Variants in RBM43 observed in about 807,000 individuals in gnomAD.
RBM43 encodes the protein RNA binding motif protein 43.
In RBM43, 12 loss-of-function variants were observed where a neutral mutation model predicts 12.4. That is an observed-to-expected ratio of 0.97 (90% CI 0.62 to 1.57). The LOEUF is 1.57. RBM43 is among the 40% of genes most tolerant of loss of function. RBM43 has a pLI of 0.00. For synonymous variants in RBM43, 138 were observed against 145.7 expected, an observed-to-expected ratio of 0.95 and a Z score of 0.38; for missense variants, 348 against 400.1, an observed-to-expected ratio of 0.87 and a Z score of 1.11.
At chr2:151,256,407 A>C (rs1388391491) in intron 1 of RBM43, among the ~76,000 whole-genome samples, 1 of 152,242 alleles carries the variant, frequency 6.6e-6, no homozygotes, top group Non-Finnish European at 1.5e-5. Context: ...TAACCACAAA[A>C]TATGGTATTT....
intron 1 of RBM43, among the ~76,000 whole-genome samples, chr2:151,257,924 G>T (rs1325360994): frequency 1.3e-5 from 2 of 151,918 alleles, no homozygotes; most frequent in Admixed American, 6.6e-5. Context: ...ACAAAAATTA[G>T]CTGGGTGTGG....
rs769221388 is a variant in RBM43, at chr2:151,251,597, A to G, written c.383T>C (p.Leu128Pro). 3 of 1,613,412 alleles carry G rather than the reference A, an allele frequency of 1.9e-6. No homozygotes were observed. The South Asian group carries it at 3.3e-5, about 18-fold the overall frequency. Residue 128 changes from leucine to proline, a missense_variant, in exon 4 of 4, where the codon CTG becomes CCG. Physicochemically the swap from Leu to Pro is moderately conservative, Grantham distance 98 (BLOSUM62 -3). Coordinates refer to ENST00000331426, the MANE Select transcript of RBM43 (RefSeq NM_198557.3). ...VFGKEVTLET[L>P]VKDLKKKIPS... The stretch of plus-strand genomic sequence containing the variant: ...GATTTTTTTTTTCAGGTCTTTTACC[A>G]GAGTTTCTAGAGTAACTTCTTTTCC...
chr2:151,260,131 C>CT (rs78047045), intron 1 of RBM43, among the ~76,000 whole-genome samples: 292 of 140,182 alleles, frequency 2.1e-3, no homozygotes, highest in Middle Eastern at 0.011. Context: ...CTCTCGAAGT[C>CT]TTTTTTTTTT....
Position 151,251,053 on chromosome 2 carries a change from G to A in RBM43, c.927C>T (p.Ile309=), listed in dbSNP as rs746128056. 1.9e-6 allele frequency: 3 copies of A among 1,613,922 alleles called. No individual in the cohort carries two copies. Among genetic ancestry groups the A allele is most frequent in the East Asian group, 2.2e-5 (1 of 44,870 alleles). The change falls in exon 4 of 4, where the codon ATC becomes ATT. Residue 309 remains isoleucine (I), a synonymous_variant. Coordinates refer to ENST00000331426, the MANE Select transcript of RBM43 (RefSeq NM_198557.3). ...AACTTAATTGTTCACATGCCCTTTT[G>A]ATCATTCTTTTCTCTCTATTTTCCT... The part of the protein sequence containing the change: ...EGKENREKRM[I]KRACEQLSSR...
chr2:151,257,303 C>T (rs573047715), intron 1 of RBM43, among the ~76,000 whole-genome samples: 7 of 143,902 alleles, frequency 4.9e-5, no homozygotes, highest in African/African-American at 9.9e-5. Context: ...AGCACGCATG[C>T]GTGCACAAAC....
intron 2 of RBM43, among the ~76,000 whole-genome samples, chr2:151,255,234 G>T (rs963092745): frequency 6.6e-6 from 1 of 152,070 alleles, no homozygotes; most frequent in African/African-American, 2.4e-5. Context: ...GGCCAACATG[G>T]TGAAACTCTG....
At position 151,249,461 on chromosome 2, in the gene RBM43, T is replaced by C. The variant is rs1270432132; in HGVS notation, c.*1445A>G. On this transcript the variant is annotated 3_prime_UTR_variant, in exon 4 of 4. Transcript: ENST00000331426. ...AGTGCAGTCTTGGCTCACTGCAAGC[T>C]CCACCTCCCGGGTTCACGCCATTCT... 1 of 144,196 alleles carries C rather than the reference T, an allele frequency of 6.9e-6. No homozygotes were observed. The highest frequency in any genetic ancestry group is 1.5e-5 in the Non-Finnish European group (1 of 67,150). 8.9% of individuals were successfully genotyped at this position (144,196 alleles called of 1,614,324 possible).
chr2:151,261,466 C>G, intron 1 of RBM43: 1 of 1,550,558 alleles, frequency 6.4e-7, no homozygotes, highest in Non-Finnish European at 8.7e-7. Flanking sequence ...CGGGCCTATA[C>G]TGCACCGCCG....
At chr2:151,252,891 C>T in intron 2 of RBM43, 36 bp from the exon 3 acceptor site, 2 of 943,044 alleles carry the variant, frequency 2.1e-6, no homozygotes, top group Non-Finnish European at 1.7e-6. Context: ...GTGTTTATGG[C>T]ATGATACACT....
chr2:151,252,027 G>A (rs759534233), intron 3 of RBM43, among the ~76,000 whole-genome samples: 1 of 152,154 alleles, frequency 6.6e-6, no homozygotes, highest in Non-Finnish European at 1.5e-5. Flanking sequence ...TTCATCAGAT[G>A]GCTGCATACA....
chr2:151,254,457 A>C (rs1682947704), intron 2 of RBM43, among the ~76,000 whole-genome samples: 4 of 152,144 alleles, frequency 2.6e-5, no homozygotes, highest in Admixed American at 2.6e-4. Flanking sequence ...GAATGACTTA[A>C]TTAATGGTGA....
At chr2:151,255,337 GA>G (rs1682957095) in intron 2 of RBM43, among the ~76,000 whole-genome samples, 195 bp downstream of exon 2, 1 of 151,808 alleles carries the variant, frequency 6.6e-6, no homozygotes, top group South Asian at 2.1e-4. Context: ...AGAATCACTT[GA>G]ACCTGGGAGG....
chr2:151,255,493 G>A, intron 2 of RBM43, 40 bp downstream of exon 2: 1 of 1,249,088 alleles, frequency 8.0e-7, no homozygotes, highest in Non-Finnish European at 1.2e-6. Flanking sequence ...TTTTATTGAA[G>A]AAGTATTTCT....
intron 3 of RBM43, 22 bp downstream of exon 3, chr2:151,252,733 C>T (rs1409362748): frequency 3.1e-6 from 4 of 1,304,234 alleles, no homozygotes; most frequent in Non-Finnish European, 4.4e-6. Flanking sequence ...ACTATCAGTA[C>T]ACCTACAGCA....
rs372296275 is a variant in RBM43, at chr2:151,251,491, T to C, written c.489A>G (p.Arg163=). The change falls in exon 4 of 4, where the codon AGA becomes AGG. Residue 163 remains arginine (R), a synonymous_variant. Transcript: ENST00000331426. ...EGSFLAVKRL[R]ESLLARACSL... is the part of the protein sequence containing the mutation. Reference sequence around the variant, plus strand: ...AACATGCTCTTGCTAGCAAAGATTCTCTGAGCCTCTTGACAGCCAGAAATG... The same window carrying C: ...AACATGCTCTTGCTAGCAAAGATTCCCTGAGCCTCTTGACAGCCAGAAATG... 8.1e-6 allele frequency: 13 copies of C among 1,614,206 alleles called. No homozygotes were observed. Among genetic ancestry groups the C allele is most frequent in the Non-Finnish European group, 1.1e-5 (13 of 1,180,038 alleles).
In RBM43 at chr2:151,248,734, T is replaced by G. The variant is rs1682852427; in HGVS notation, c.*2172A>C. 1 of 152,196 alleles carries G rather than the reference T, an allele frequency of 6.6e-6. No homozygotes were observed. The allele number at this position is 152,196 out of a possible 1,614,324, so 9.4% of individuals were successfully genotyped here. On this transcript the variant is annotated 3_prime_UTR_variant, in exon 4 of 4. Transcript: ENST00000331426. Reference sequence around the variant, plus strand: ...TCCAGAAAATATTCTGGCATGCCTTTGAACTTTGAGAGCTCATTTCGTGGG... The same window carrying G: ...TCCAGAAAATATTCTGGCATGCCTTGGAACTTTGAGAGCTCATTTCGTGGG...
At position 151,249,494 on chromosome 2, in the gene RBM43, CAGCCTCT is replaced by C. The variant is rs1682866131; in HGVS notation, c.*1405_*1411del. The C allele has an allele frequency of 6.6e-6, 1 of 152,028 alleles. No individual in the cohort carries two copies. The highest frequency in any genetic ancestry group is 2.1e-4 in the South Asian group (1 of 4,812). 9.4% of individuals were successfully genotyped at this position (152,028 alleles called of 1,614,324 possible). On this transcript the variant is annotated 3_prime_UTR_variant, in exon 4 of 4. Coordinates refer to ENST00000331426, the MANE Select transcript of RBM43 (RefSeq NM_198557.3). ...CCGGGTTCACGCCATTCTCCTGCCT[CAGCCTCT>C]AGCCTCCCGAGTAGGTGGGACTACA...
Position 151,251,545 on chromosome 2 carries a change from T to A in RBM43, c.435A>T (p.Lys145Asn). The A allele has an allele frequency of 6.2e-7, 1 of 1,614,170 alleles. No individual in the cohort carries two copies. The highest frequency in any genetic ancestry group is 2.2e-5 in the East Asian group (1 of 44,884). ...CTTCCACGGAGATTCTTCCATTGGG[T>A]TTCAAAGGACTGAAGCTTAAACTCG... is the stretch of plus-strand genomic sequence containing the variant. ...KIPSLSFSPL[K>N]PNGRISVEGS... The change falls in exon 4 of 4, where the codon AAA becomes AAT. Residue 145 changes from lysine to asparagine, a missense_variant. Lys to Asn is a moderately conservative substitution (Grantham distance 94). Coordinates refer to ENST00000331426, the MANE Select transcript of RBM43 (RefSeq NM_198557.3).
In RBM43 at chr2:151,248,773, T is replaced by C. The variant is rs1389349538; in HGVS notation, c.*2133A>G. On this transcript the variant is annotated 3_prime_UTR_variant, in exon 4 of 4. Transcript: ENST00000331426. ...TCATTTCGTGGGTGCTCTGATTTAATGTCAACTATGCAAAAGCCAAGTAAA... is the reference window on the plus strand; with the variant it reads ...TCATTTCGTGGGTGCTCTGATTTAACGTCAACTATGCAAAAGCCAAGTAAA... 1 of 152,178 alleles carries C rather than the reference T, an allele frequency of 6.6e-6. No homozygotes were observed. The highest frequency in any genetic ancestry group is 1.5e-5 in the Non-Finnish European group (1 of 68,034). The allele number at this position is 152,178 out of a possible 1,614,324, so 9.4% of individuals were successfully genotyped here. A position where few individuals can be genotyped will look rare whatever the true frequency, so the allele number is the denominator to read the frequency against.
Sources: gnomAD v4.1 joint callset for allele counts (sites outside exome capture counted in the v4.1 genomes callset) on GRCh38, gnomAD v4.1.1 for gene constraint, MANE v1.5 for transcripts, NCBI Gene and HGNC (gene_info 2026-07-23, HGNC 2026-07-21) for gene names.